APBB2: variants seen among roughly 807,000 people sequenced by gnomAD.
The protein encoded by APBB2 is Fe65-like 1.
Under a neutral mutation model 82.5 loss-of-function variants are expected in APBB2, and 38 were observed. The observed-to-expected ratio is 0.46, with a 90% confidence interval of 0.36 to 0.60. The LOEUF (loss-of-function observed/expected upper bound fraction) is 0.60, where lower values mean the gene tolerates loss of function less well. Among genes scored for constraint, APBB2 ranks in the 20% least tolerant of loss-of-function variants. The pLI, the probability that APBB2 is intolerant of heterozygous loss-of-function variation, is 0.00. For missense variants in APBB2, 772 were observed against 972.3 expected (o/e 0.79, Z 2.74); for synonymous variants, 341 against 368.2 (o/e 0.93, Z 0.85).
intron 1 of APBB2, among the ~76,000 whole-genome samples, chr4:41,179,402 C>T (rs1029230042): frequency 6.6e-6 from 1 of 152,082 alleles, no homozygotes; most frequent in Non-Finnish European, 1.5e-5. Flanking sequence ...ATTCATCTAC[C>T]GTCATGTAAA....
chr4:41,109,572 G>A (rs913517070), intron 2 of APBB2, among the ~76,000 whole-genome samples: 15 of 152,250 alleles, frequency 9.9e-5, no homozygotes, highest in African/African-American at 3.1e-4. Flanking sequence ...CTAGGTTCAC[G>A]CCATTCTCCT....
At chr4:41,081,510 C>G (rs1484789614) in intron 3 of APBB2, among the ~76,000 whole-genome samples, 1 of 152,218 alleles carries the variant, frequency 6.6e-6, no homozygotes, top group Non-Finnish European at 1.5e-5. Context: ...TCATAGCTAG[C>G]TAATCACCTT....
chr4:40,816,442 C>T (rs1254142536), intron 17 of APBB2, among the ~76,000 whole-genome samples, 183 bp from the exon 18 acceptor site: 10 of 152,236 alleles, frequency 6.6e-5, no homozygotes, highest in Admixed American at 6.5e-4. Flanking sequence ...AAAGATTAGG[C>T]TCAACAAAGG....
intron 2 of APBB2, among the ~76,000 whole-genome samples, chr4:41,107,729 C>T (rs910653820): frequency 2.6e-5 from 4 of 152,134 alleles, no homozygotes; most frequent in South Asian, 4.2e-4. Context: ...GCCAAACATG[C>T]TTAATCTGTA....
intron 1 of APBB2, among the ~76,000 whole-genome samples, chr4:41,160,408 G>A (rs1764861905): frequency 6.6e-6 from 1 of 152,122 alleles, no homozygotes. Flanking sequence ...CCAGACGCAG[G>A]GAAATTTTCT....
rs763305537 is a variant in APBB2, at chr4:40,814,212, C to T, written c.*1880G>A. The T allele has an allele frequency of 6.6e-6, 1 of 152,158 alleles. No homozygotes were observed. The highest frequency in any genetic ancestry group is 1.5e-5 in the Non-Finnish European group (1 of 68,028). The allele number at this position is 152,158 out of a possible 1,614,324, so 9.4% of individuals were successfully genotyped here. A position where few individuals can be genotyped will look rare whatever the true frequency, so the allele number is the denominator to read the frequency against. ...TGCCCTCTACAACACTTTTGAGGCACGCTGTAGGAAAACAGTCCTGGACTT... is the reference window on the plus strand; with the variant it reads ...TGCCCTCTACAACACTTTTGAGGCATGCTGTAGGAAAACAGTCCTGGACTT... On this transcript the variant is annotated 3_prime_UTR_variant, in exon 18 of 18. Transcript: ENST00000508593.
chr4:41,081,808 T>A (rs970032434), intron 3 of APBB2, among the ~76,000 whole-genome samples: 5 of 152,178 alleles, frequency 3.3e-5, no homozygotes, highest in Non-Finnish European at 7.3e-5. Flanking sequence ...AAGACAGAAT[T>A]AAAATTGCAT....
At chr4:41,082,313 T>G (rs1291461026) in intron 3 of APBB2, among the ~76,000 whole-genome samples, 2 of 152,194 alleles carry the variant, frequency 1.3e-5, no homozygotes, top group African/African-American at 4.8e-5. Context: ...TACTTATTTT[T>G]GATAAGTTTG....
At chr4:41,094,758 T>C (rs1475432543) in intron 3 of APBB2, among the ~76,000 whole-genome samples, 1 of 151,968 alleles carries the variant, frequency 6.6e-6, no homozygotes, top group Non-Finnish European at 1.5e-5. Context: ...AGAGACGGGG[T>C]TTCGCTATGT....
chr4:40,918,022 T>A (rs1051938321), intron 10 of APBB2, among the ~76,000 whole-genome samples: 1 of 152,238 alleles, frequency 6.6e-6, no homozygotes, highest in Non-Finnish European at 1.5e-5. Flanking sequence ...TCCATGACAA[T>A]GCAATACAGC....
intron 1 of APBB2, among the ~76,000 whole-genome samples, chr4:41,155,239 G>A (rs948333260): frequency 6.6e-6 from 1 of 152,092 alleles, no homozygotes; most frequent in Non-Finnish European, 1.5e-5. Context: ...ATTTGGAACT[G>A]TTTTTTTGTT....
chr4:40,873,902 T>A (rs544345401), intron 12 of APBB2, among the ~76,000 whole-genome samples: 23 of 152,358 alleles, frequency 1.5e-4, no homozygotes, highest in Non-Finnish European at 2.6e-4. Context: ...AGAAAAAATC[T>A]GTATTTTATA....
intron 3 of APBB2, among the ~76,000 whole-genome samples, chr4:41,093,414 T>C (rs1742450646): frequency 1.3e-5 from 2 of 152,114 alleles, no homozygotes; most frequent in Admixed American, 6.5e-5. Context: ...CTTTTAAGGG[T>C]ATCTGAGCAA....
intron 6 of APBB2, among the ~76,000 whole-genome samples, chr4:40,988,222 C>T (rs1800935358): frequency 6.6e-6 from 1 of 152,220 alleles, no homozygotes; most frequent in Non-Finnish European, 1.5e-5. Flanking sequence ...CCAGACTTAA[C>T]CCAAATGTGT....
chr4:40,895,963 T>C (rs1453296386), intron 10 of APBB2, among the ~76,000 whole-genome samples: 2 of 152,226 alleles, frequency 1.3e-5, no homozygotes, highest in Admixed American at 1.3e-4. Context: ...CTCCTACACT[T>C]AACCACTTTG....
intron 10 of APBB2, among the ~76,000 whole-genome samples, chr4:40,921,187 T>G (rs1174499496): frequency 6.6e-6 from 1 of 152,214 alleles, no homozygotes; most frequent in Non-Finnish European, 1.5e-5. Flanking sequence ...ACCACCTTTT[T>G]GTATTTGTGC....
chr4:40,900,699 C>T (rs112150310), intron 10 of APBB2, among the ~76,000 whole-genome samples: 4 of 151,472 alleles, frequency 2.6e-5, no homozygotes, highest in African/African-American at 4.9e-5. Context: ...TCAAGTGATT[C>T]GCCCATCTGG....
At chr4:41,060,195 G>A (rs1423281198) in intron 4 of APBB2, among the ~76,000 whole-genome samples, 2 of 151,984 alleles carry the variant, frequency 1.3e-5, no homozygotes, top group East Asian at 3.9e-4. Flanking sequence ...CGACACAACT[G>A]GCAAAACCTG....
At chr4:40,844,084 T>G (rs1756779237) in intron 12 of APBB2, among the ~76,000 whole-genome samples, 1 of 152,216 alleles carries the variant, frequency 6.6e-6, no homozygotes, top group Non-Finnish European at 1.5e-5. Flanking sequence ...TCTCTTTTGG[T>G]GAACTTTTGT....
Sources: allele counts gnomAD v4.1 joint callset (sites outside exome capture counted in the v4.1 genomes callset), GRCh38; gene constraint gnomAD v4.1.1; transcripts MANE v1.5; gene names NCBI Gene and HGNC (gene_info 2026-07-23, HGNC 2026-07-21).